Variants in TRAPPC10 observed in about 807,000 individuals in gnomAD.
TRAPPC10 encodes trafficking protein particle complex subunit 10.
A neutral mutation model predicts 125.5 loss-of-function variants in TRAPPC10; 23 were observed. The observed-to-expected ratio is 0.18, with a 90% CI of 0.13 to 0.26. The LOEUF is 0.26. Ranked by LOEUF, TRAPPC10 falls within the 10% of genes least tolerant of loss-of-function variation. TRAPPC10 has a pLI of 1.00. For missense variants in TRAPPC10, 1,123 were observed against 1,308.4 expected (o/e 0.86, Z 2.19); for synonymous variants, 509 against 518.0 (o/e 0.98, Z 0.24).
At chr21:44,050,702 A>G (rs2035175345) in intron 3 of TRAPPC10, among the ~76,000 whole-genome samples, 1 of 152,170 alleles carries the variant, frequency 6.6e-6, no homozygotes, top group South Asian at 2.1e-4. Context: ...ACTGTTGGGT[A>G]TTTATTTGCA....
intron 1 of TRAPPC10, among the ~76,000 whole-genome samples, chr21:44,023,813 C>T (rs771577872): frequency 1.3e-5 from 2 of 152,204 alleles, no homozygotes; most frequent in Non-Finnish European, 2.9e-5. Flanking sequence ...GGCTCTTACT[C>T]TGTTGCCCAT....
intron 1 of TRAPPC10, among the ~76,000 whole-genome samples, chr21:44,031,779 GTGGAGCAGGCTCCC>G (rs2147263183): frequency 6.6e-6 from 1 of 152,320 alleles, no homozygotes; most frequent in South Asian, 2.1e-4. Flanking sequence ...GCTGGGTGAG[GTGGAGCAGGCTCCC>G]TCTCCTAAGC....
chr21:44,045,971 G>A (rs1286357023), intron 3 of TRAPPC10, among the ~76,000 whole-genome samples: 1 of 148,224 alleles, frequency 6.7e-6, no homozygotes, highest in African/African-American at 2.5e-5. Flanking sequence ...TTTCTTTTTT[G>A]TGGGGGTGGA....
chr21:44,016,196 C>T (rs1272559399), intron 1 of TRAPPC10, among the ~76,000 whole-genome samples: 2 of 152,302 alleles, frequency 1.3e-5, no homozygotes, highest in African/African-American at 4.8e-5. Context: ...ACAAATCCAG[C>T]AGATCCATTT....
At chr21:44,080,333 G>A (rs2037601640) in intron 13 of TRAPPC10, among the ~76,000 whole-genome samples, 1 of 151,866 alleles carries the variant, frequency 6.6e-6, no homozygotes, top group Non-Finnish European at 1.5e-5. Context: ...CTAAAAATAA[G>A]GACAGTCTCT....
chr21:44,015,404 TTTCAC>T (rs1437662519), intron 1 of TRAPPC10, among the ~76,000 whole-genome samples: 1 of 152,082 alleles, frequency 6.6e-6, no homozygotes, highest in Non-Finnish European at 1.5e-5. Flanking sequence ...TAGCTGATTA[TTTCAC>T]TTCATTTTAT....
chr21:44,054,005 GT>G (rs1341388053), intron 4 of TRAPPC10, among the ~76,000 whole-genome samples: 4 of 152,162 alleles, frequency 2.6e-5, no homozygotes, highest in East Asian at 1.9e-4. Context: ...AACAGTTACT[GT>G]TTTGGTGGTT....
At chr21:44,068,747 C>T (rs1199588569) in intron 7 of TRAPPC10, among the ~76,000 whole-genome samples, 2 of 152,056 alleles carry the variant, frequency 1.3e-5, no homozygotes, top group Admixed American at 1.3e-4. Flanking sequence ...ATTACAGGTG[C>T]GCACCACCAT....
At chr21:44,062,834 ATG>A in intron 6 of TRAPPC10, 1 of 985,480 alleles carries the variant, frequency 1.0e-6, no homozygotes. Flanking sequence ...TGAACTGGTT[ATG>A]ACACCTCTCT....
At chr21:44,067,303 G>T (rs2036522960) in intron 7 of TRAPPC10, among the ~76,000 whole-genome samples, 1 of 152,192 alleles carries the variant, frequency 6.6e-6, no homozygotes, top group Admixed American at 6.5e-5. Context: ...GTATTCTGAG[G>T]TGCAGGCCTG....
chr21:44,081,014 T>A (rs2037681560), intron 13 of TRAPPC10, among the ~76,000 whole-genome samples: 1 of 135,844 alleles, frequency 7.4e-6, no homozygotes, highest in Non-Finnish European at 1.5e-5. Context: ...TCTTTTTTTT[T>A]TTCTTTTTTT....
At chr21:44,022,428 C>T (rs983936401) in intron 1 of TRAPPC10, among the ~76,000 whole-genome samples, 4 of 145,606 alleles carry the variant, frequency 2.7e-5, no homozygotes, top group African/African-American at 7.8e-5. Context: ...GGATTACAGG[C>T]GTGTGCCACC....
intron 3 of TRAPPC10, chr21:44,047,087 A>G: frequency 1.5e-6 from 1 of 667,852 alleles, no homozygotes; most frequent in Non-Finnish European, 2.9e-6. Flanking sequence ...AGAAAGGGCT[A>G]ATCAGACCCA....
intron 2 of TRAPPC10, among the ~76,000 whole-genome samples, chr21:44,037,419 C>G (rs729882): frequency 0.35 from 52,511 of 152,106 alleles, 13,145 homozygotes; most frequent in African/African-American, 0.71. Context: ...GTAATTAAAA[C>G]TGCACTTTGG....
At chr21:44,027,051 A>G (rs1218585121) in intron 1 of TRAPPC10, among the ~76,000 whole-genome samples, 2 of 152,234 alleles carry the variant, frequency 1.3e-5, no homozygotes, top group East Asian at 1.9e-4. Flanking sequence ...CATGTCTCCA[A>G]CAATTTAAGA....
At position 44,052,421 on chromosome 21, in the gene TRAPPC10, C is replaced by T. The variant is rs1490043859; in HGVS notation, c.427C>T (p.Arg143Ter). The stretch of plus-strand genomic sequence containing the variant: ...AAAAAACAAAACCAACATCCTTCCC[C>T]GAACCTCTATTGTGGACAAAATAAG... The part of the protein sequence containing the change: ...KKKNKTNILP[R>*]TSIVDKIRND... The change falls in exon 4 of 23, where the codon CGA becomes TGA. Residue 143 changes from arginine to a stop codon, truncating the protein, a stop_gained. Transcript: ENST00000291574. LOFTEE classifies it high-confidence loss of function. The T allele has an allele frequency of 1.2e-6, 2 of 1,613,386 alleles. No homozygotes were observed. Among genetic ancestry groups the T allele is most frequent in the Non-Finnish European group, 1.7e-6 (2 of 1,179,866 alleles).
intron 3 of TRAPPC10, among the ~76,000 whole-genome samples, chr21:44,045,199 C>G (rs567820713): frequency 6.6e-6 from 1 of 152,174 alleles, no homozygotes; most frequent in African/African-American, 2.4e-5. Context: ...TCCCAAAGTG[C>G]TTGGATTACA....
chr21:44,062,667 C>T, intron 6 of TRAPPC10: 1 of 985,422 alleles, frequency 1.0e-6, no homozygotes, highest in Non-Finnish European at 1.2e-6. Flanking sequence ...GCCAGCGGGT[C>T]CACTCCACAC....
chr21:44,057,599 A>G (rs571430737), intron 5 of TRAPPC10, among the ~76,000 whole-genome samples: 14 of 152,302 alleles, frequency 9.2e-5, no homozygotes, highest in Non-Finnish European at 1.9e-4. Flanking sequence ...CTGTACTTTT[A>G]AAAATGGTTA....
Sources: allele counts gnomAD v4.1 joint callset (sites outside exome capture counted in the v4.1 genomes callset), GRCh38; gene constraint gnomAD v4.1.1; transcripts MANE v1.5; gene names NCBI Gene and HGNC (gene_info 2026-07-23, HGNC 2026-07-21).